The following BIRC6 variants were observed in gnomAD, a reference collection of about 807,000 sequenced individuals.
BIRC6 encodes dual E2 ubiquitin-conjugating enzyme/E3 ubiquitin-protein ligase BIRC6.
BIRC6 carries 98 observed loss-of-function variants against 503.3 expected under a neutral mutation model. That is an observed-to-expected ratio of 0.19 (90% CI 0.17 to 0.23). The LOEUF (loss-of-function observed/expected upper bound fraction) is 0.23, where lower values mean the gene tolerates loss of function less well. BIRC6 is among the 10% of genes least tolerant of loss of function. The probability of loss-of-function intolerance (pLI) is 1.00; values close to 1 mark genes in which losing one functional copy is unlikely to be tolerated. For synonymous variants in BIRC6, 2,240 were observed against 2,078.7 expected, an observed-to-expected ratio of 1.08 and a Z score of -2.11; for missense variants, 5,360 against 5,806.0, an observed-to-expected ratio of 0.92 and a Z score of 2.50.
chr2:32,561,723 GTA>G (rs553047711), intron 65 of BIRC6, among the ~76,000 whole-genome samples: 53 of 145,502 alleles, frequency 3.6e-4, no homozygotes, highest in African/African-American at 7.6e-4. Context: ...CTTTAATCAT[GTA>G]TATATATATA....
chr2:32,504,946 A>G (rs954411276), intron 49 of BIRC6, 59 bp from the exon 50 acceptor site: 1 of 1,405,294 alleles, frequency 7.1e-7, no homozygotes, highest in African/African-American at 1.4e-5. Context: ...TATAGATTTT[A>G]AAGCTTTATT....
intron 73 of BIRC6, among the ~76,000 whole-genome samples, chr2:32,613,225 GTC>G (rs1039900704): frequency 5.3e-5 from 8 of 151,616 alleles, no homozygotes; most frequent in Non-Finnish European, 1.0e-4. Flanking sequence ...CTGAGACACT[GTC>G]TCTCTCTGCC....
chr2:32,382,159 G>C lies in BIRC6; in HGVS notation c.645+1869G>C, dbSNP rs147942241. On this transcript the variant is annotated intron_variant, in intron 3 of 73. Coordinates refer to ENST00000421745, the MANE Select transcript of BIRC6 (RefSeq NM_016252.4). ...CTGGAGGAACAAAGAGTAGAGATTA[G>C]GGGTTATCAGAACCTAGAAACTTAG... Among the ~76,000 whole-genome samples, 75 of 152,288 alleles carry C rather than the reference G, an allele frequency of 4.9e-4. No homozygotes were observed. The South Asian group carries it at 0.015, about 30-fold the overall frequency.
rs1268832425 is a variant in BIRC6 at position 32,377,747 on chromosome 2, A to T, written c.485A>T (p.Gln162Leu). Residue 162 changes from glutamine (Q) to leucine (L), a missense_variant, in exon 2 of 74, where the codon CAG becomes CTG. By Grantham distance (113) the Gln-to-Leu change is moderately radical. Around this residue, in one of 16 missense-constraint regions of BIRC6, gnomAD observed 134 missense variants for 150.9 expected, o/e 0.89. Transcript: ENST00000421745. ...TPVSKQDDVV[Q>L]LELPVTEAQQ... ...GTTTCAAAGCAGGATGATGTGGTTC[A>T]GCTTGAATTACCCGTTACAGAGGTA... 6.2e-7 allele frequency: 1 copy of T among 1,613,218 alleles called. No homozygotes were observed. Among genetic ancestry groups the T allele is most frequent in the African/African-American group, 1.3e-5 (1 of 75,036 alleles).
In BIRC6 at chr2:32,477,547, T is replaced by C; in HGVS notation, c.7032T>C (p.Phe2344=). The change falls in exon 35 of 74, where the codon TTT becomes TTC. Residue 2344 remains phenylalanine (F), a synonymous_variant. Coordinates refer to ENST00000421745, the MANE Select transcript of BIRC6 (RefSeq NM_016252.4). ...KLVLFLLSMD[F]TCHADLLLFV... The stretch of plus-strand genomic sequence containing the variant: ...TTCTGTTTCTTCTCTCCATGGACTT[T>C]ACATGTCATGCAGATCTCTTATTGT... The C allele has an allele frequency of 3.7e-6, 6 of 1,613,884 alleles. No homozygotes were observed. Among genetic ancestry groups the C allele is most frequent in the South Asian group, 1.1e-5 (1 of 91,086 alleles).
At chr2:32,609,904 G>A (rs572567223) in intron 72 of BIRC6, among the ~76,000 whole-genome samples, 1 of 152,100 alleles carries the variant, frequency 6.6e-6, no homozygotes. Flanking sequence ...CCTAGCTTGC[G>A]TTAAAGGGGC....
chr2:32,492,614 T>G (rs2051890466), intron 44 of BIRC6, among the ~76,000 whole-genome samples: 1 of 152,068 alleles, frequency 6.6e-6, no homozygotes, highest in African/African-American at 2.4e-5. Context: ...TAACTAGTTA[T>G]CTGTATAGCT....
intron 3 of BIRC6, among the ~76,000 whole-genome samples, chr2:32,386,508 AT>A (rs1441320777): frequency 7.3e-6 from 1 of 137,506 alleles, no homozygotes; most frequent in African/African-American, 2.8e-5. Context: ...CAGTGGTGTG[AT>A]TTTGGCTTAC....
Position 32,440,757 on chromosome 2 carries a change from A to G in BIRC6, c.3811-572A>G, listed in dbSNP as rs1051816754. On this transcript the variant is annotated intron_variant, in intron 16 of 73. Transcript: ENST00000421745. ...ATTTTATTGTGTTTATTTATTTATT[A>G]TTATTATTATTATTATTATTATTGA... 2.7e-5 allele frequency among the ~76,000 whole-genome samples: 4 copies of G among 146,764 alleles called. No individual in the cohort carries two copies. In the South Asian group the frequency reaches 8.4e-4, roughly 31 times the overall value.
chr2:32,488,504 A>T, intron 41 of BIRC6, 84 bp from the exon 42 acceptor site: 1 of 1,207,942 alleles, frequency 8.3e-7, no homozygotes, highest in Non-Finnish European at 1.1e-6. Context: ...CGTGACAAGA[A>T]TTTAAACATA....
chr2:32,387,158 G>T (rs1357675809), intron 3 of BIRC6, among the ~76,000 whole-genome samples: 1 of 152,174 alleles, frequency 6.6e-6, no homozygotes, highest in Non-Finnish European at 1.5e-5. Context: ...GTCTTTCTGA[G>T]GGAAGGTTTG....
intron 9 of BIRC6, among the ~76,000 whole-genome samples, chr2:32,411,399 TTATA>T (rs71991258): frequency 7.1e-5 from 10 of 140,900 alleles, no homozygotes; most frequent in East Asian, 2.0e-4. Context: ...ATTAAGGCAA[TTATA>T]TATATATATA....
chr2:32,369,356 C>T (rs992366044), intron 1 of BIRC6, among the ~76,000 whole-genome samples: 12 of 151,714 alleles, frequency 7.9e-5, no homozygotes, highest in South Asian at 2.1e-4. Context: ...TGTTCCAAAC[C>T]GTAGGATTAT....
intron 40 of BIRC6, 93 bp from the exon 41 acceptor site, chr2:32,487,553 TA>T: frequency 8.6e-7 from 1 of 1,159,520 alleles, no homozygotes; most frequent in Admixed American, 2.3e-5. Context: ...TTTTAATTTT[TA>T]AAAACAATTT....
intron 66 of BIRC6, among the ~76,000 whole-genome samples, chr2:32,586,459 G>T (rs2061040583): frequency 1.7e-5 from 2 of 118,446 alleles, no homozygotes; most frequent in South Asian, 2.7e-4. Flanking sequence ...TTGAGACAGG[G>T]TTAAACTCTG....
chr2:32,530,184 T>G (rs547088250), intron 60 of BIRC6, among the ~76,000 whole-genome samples: 7 of 152,304 alleles, frequency 4.6e-5, no homozygotes, highest in African/African-American at 1.4e-4. Context: ...ATAATTGGGA[T>G]CACATATTTT....
At chr2:32,495,373 G>A (rs1242423685) in intron 45 of BIRC6, among the ~76,000 whole-genome samples, 3 of 152,144 alleles carry the variant, frequency 2.0e-5, no homozygotes, top group Non-Finnish European at 4.4e-5. Context: ...GGTCCACAAA[G>A]CTGTGGCCCA....
rs1375203618 is a variant in BIRC6 at position 32,495,342 on chromosome 2, G to T, written c.8468+1675G>T. On this transcript the variant is annotated intron_variant, in intron 45 of 73. Transcript: ENST00000421745. Reference sequence around the variant, plus strand: ...CCACACATATACCCTGTACATTTTTGTGGCCTAGTTTATTTAAGAGGGTCC... The same window carrying T: ...CCACACATATACCCTGTACATTTTTTTGGCCTAGTTTATTTAAGAGGGTCC... 2.0e-5 allele frequency among the ~76,000 whole-genome samples: 3 copies of T among 152,056 alleles called. No individual in the cohort carries two copies. In the East Asian group the frequency reaches 5.8e-4, roughly 29 times the overall value.
chr2:32,540,448 A>T (rs193007305), intron 61 of BIRC6, among the ~76,000 whole-genome samples: 253 of 152,124 alleles, frequency 1.7e-3, no homozygotes, highest in African/African-American at 5.3e-3. Context: ...TCCTTATTAG[A>T]GTCTTTTCTT....
Sources: allele counts gnomAD v4.1 joint callset (sites outside exome capture counted in the v4.1 genomes callset), GRCh38; gene constraint gnomAD v4.1.1; regional missense constraint gnomAD v4.1.1; transcripts MANE v1.5; gene names NCBI Gene and HGNC (gene_info 2026-07-23, HGNC 2026-07-21).